Variants in MAN1A2 observed in about 807,000 individuals in gnomAD.
MAN1A2 encodes mannosidase alpha class 1A member 2.
MAN1A2 carries 26 observed loss-of-function variants against 75.7 expected under a neutral mutation model. The observed-to-expected ratio is 0.34, with a 90% CI of 0.25 to 0.48. The LOEUF (loss-of-function observed/expected upper bound fraction) is 0.48. Among genes scored for constraint, MAN1A2 ranks in the 20% least tolerant of loss-of-function variants. The pLI is 0.99. For missense variants in MAN1A2, 562 were observed against 775.5 expected (o/e 0.72, Z 3.27); for synonymous variants, 247 against 264.6 (o/e 0.93, Z 0.65).
intron 5 of MAN1A2, among the ~76,000 whole-genome samples, chr1:117,436,606 A>T (rs544567723): frequency 6.6e-6 from 1 of 152,220 alleles, no homozygotes. Context: ...TATAATCACA[A>T]TTGTGCTTGT....
At chr1:117,444,812 A>G (rs1649164930) in intron 6 of MAN1A2, among the ~76,000 whole-genome samples, 1 of 151,858 alleles carries the variant, frequency 6.6e-6, no homozygotes, top group South Asian at 2.1e-4. Flanking sequence ...ATAATATATG[A>G]CTCATAAGTT....
At chr1:117,413,326 A>T (rs982731008) in intron 3 of MAN1A2, among the ~76,000 whole-genome samples, 2 of 151,960 alleles carry the variant, frequency 1.3e-5, no homozygotes, top group East Asian at 3.8e-4. Flanking sequence ...CATGTAAATT[A>T]AGAACAACCA....
chr1:117,393,871 T>A (rs1250971964), intron 1 of MAN1A2, among the ~76,000 whole-genome samples: 1 of 152,204 alleles, frequency 6.6e-6, no homozygotes, highest in African/African-American at 2.4e-5. Flanking sequence ...TAAATAGTGG[T>A]ATTATCATAG....
At chr1:117,416,437 G>A (rs1647995892) in intron 4 of MAN1A2, among the ~76,000 whole-genome samples, 1 of 152,044 alleles carries the variant, frequency 6.6e-6, no homozygotes, top group Non-Finnish European at 1.5e-5. Context: ...GAGGAGGATT[G>A]CATTTAATTT....
At chr1:117,448,468 G>GT (rs1649308479) in intron 6 of MAN1A2, among the ~76,000 whole-genome samples, 2 of 152,232 alleles carry the variant, frequency 1.3e-5, no homozygotes, top group East Asian at 1.9e-4. Flanking sequence ...CATAGCTATT[G>GT]TAAGTGTGCT....
Position 117,442,326 on chromosome 1 carries a change from G to T in MAN1A2, c.950+1G>T. ...CTTGGGCAATGGTGAATTTGAAAAG[G>T]TAACTCTATGTGGGTATTCTTATTC... On this transcript the variant is annotated splice_donor_variant, in intron 6 of 12. Coordinates refer to ENST00000356554, the MANE Select transcript of MAN1A2 (RefSeq NM_006699.5). LOFTEE classifies it high-confidence loss of function. 6.3e-7 allele frequency: 1 copy of T among 1,575,114 alleles called. No individual in the cohort carries two copies. The highest frequency in any genetic ancestry group is 8.7e-7 in the Non-Finnish European group (1 of 1,144,652).
chr1:117,480,804 C>T (rs910563011), intron 8 of MAN1A2, among the ~76,000 whole-genome samples: 5 of 151,860 alleles, frequency 3.3e-5, no homozygotes, highest in Admixed American at 6.6e-5. Context: ...ACCCCATTGC[C>T]TAGCCTTATC....
chr1:117,417,534 A>AATATATATATATGT (rs1553232782), intron 4 of MAN1A2, among the ~76,000 whole-genome samples: 9 of 89,208 alleles, frequency 1.0e-4, no homozygotes, highest in African/African-American at 4.1e-4. Context: ...CTTGAGTTTA[A>AATATATATATATGT]ATATATATAT....
intron 8 of MAN1A2, among the ~76,000 whole-genome samples, chr1:117,484,476 A>G (rs75241291): frequency 1.7e-3 from 255 of 152,080 alleles, no homozygotes; most frequent in Non-Finnish European, 3.0e-3. Context: ...GAAGGTTTAC[A>G]CTACTGTGCC....
At chr1:117,470,474 G>T (rs1237889978) in intron 8 of MAN1A2, among the ~76,000 whole-genome samples, 1 of 151,998 alleles carries the variant, frequency 6.6e-6, no homozygotes, top group South Asian at 2.1e-4. Flanking sequence ...GGCAACTTTT[G>T]TGTTATATAC....
chr1:117,438,028 A>C (rs1648900588), intron 5 of MAN1A2, among the ~76,000 whole-genome samples: 1 of 152,250 alleles, frequency 6.6e-6, no homozygotes, highest in Non-Finnish European at 1.5e-5. Flanking sequence ...ACTGTGGGGT[A>C]ATAGGCAATA....
chr1:117,370,738 A>AGTGTGTGTGTGTGTGTGTGTGT (rs71658400), intron 1 of MAN1A2, among the ~76,000 whole-genome samples: 4 of 148,214 alleles, frequency 2.7e-5, no homozygotes, highest in African/African-American at 7.5e-5. Flanking sequence ...ATCTTCATTT[A>AGTGTGTGTGTGTGTGTGTGTGT]GTGTGTGTGT....
chr1:117,424,138 T>C (rs1432513925), intron 5 of MAN1A2, among the ~76,000 whole-genome samples: 1 of 152,162 alleles, frequency 6.6e-6, no homozygotes, highest in Non-Finnish European at 1.5e-5. Flanking sequence ...CATTAGTAAA[T>C]AGAGATGAGT....
At chr1:117,416,167 A>G (rs1176408507) in intron 4 of MAN1A2, among the ~76,000 whole-genome samples, 3 of 152,140 alleles carry the variant, frequency 2.0e-5, no homozygotes, top group Admixed American at 6.6e-5. Context: ...AGTTGATCCT[A>G]GTACCATTTC....
intron 10 of MAN1A2, among the ~76,000 whole-genome samples, chr1:117,497,383 C>T (rs1651064189): frequency 6.6e-6 from 1 of 151,846 alleles, no homozygotes; most frequent in East Asian, 1.9e-4. Context: ...GAAGAATAAC[C>T]AAAAGATAAC....
At chr1:117,472,367 T>C (rs1296909475) in intron 8 of MAN1A2, among the ~76,000 whole-genome samples, 1 of 152,014 alleles carries the variant, frequency 6.6e-6, no homozygotes, top group African/African-American at 2.4e-5. Context: ...ATATCAATTT[T>C]ATGTGTGATA....
chr1:117,460,638 T>G (rs765600028), intron 7 of MAN1A2, 26 bp downstream of exon 7: 1 of 1,587,404 alleles, frequency 6.3e-7, no homozygotes, highest in Admixed American at 1.9e-5. Flanking sequence ...TTCTATTCTT[T>G]GTTTGTTATA....
intron 6 of MAN1A2, among the ~76,000 whole-genome samples, chr1:117,459,145 G>A (rs1649729145): frequency 6.6e-6 from 1 of 152,102 alleles, no homozygotes; most frequent in South Asian, 2.1e-4. Flanking sequence ...AGCAATAGAG[G>A]CCATATCTAA....
intron 8 of MAN1A2, among the ~76,000 whole-genome samples, chr1:117,475,852 T>C (rs1650296657): frequency 6.6e-6 from 1 of 152,206 alleles, no homozygotes; most frequent in Admixed American, 6.5e-5. Flanking sequence ...TATAGTAGAA[T>C]GATTTATAAT....
Sources: gnomAD v4.1 joint callset for allele counts (sites outside exome capture counted in the v4.1 genomes callset) on GRCh38, gnomAD v4.1.1 for gene constraint, MANE v1.5 for transcripts, NCBI Gene and HGNC (gene_info 2026-07-23, HGNC 2026-07-21) for gene names.